Variants in TOX2 observed in about 807,000 individuals in gnomAD.
TOX2 encodes the protein TOX high mobility group box family member 2.
In TOX2, 15 loss-of-function variants were observed where a neutral mutation model predicts 47.4. The ratio of observed to expected loss-of-function variants is 0.32; its 90% CI spans 0.21 to 0.49. TOX2 has a LOEUF of 0.49. TOX2 is among the 20% of genes least tolerant of loss of function. The probability of loss-of-function intolerance (pLI) is 0.99; values close to 1 mark genes in which losing one functional copy is unlikely to be tolerated. For synonymous variants in TOX2, 290 were observed against 296.6 expected (o/e 0.98, Z 0.23); for missense variants, 622 against 673.1 (o/e 0.92, Z 0.84).
At chr20:43,991,973 T>C (rs758404999) in intron 2 of TOX2, among the ~76,000 whole-genome samples, 2 of 152,150 alleles carry the variant, frequency 1.3e-5, no homozygotes, top group Non-Finnish European at 2.9e-5. Flanking sequence ...TACTGTATGT[T>C]TGCAGGTAAA....
intron 3 of TOX2, among the ~76,000 whole-genome samples, chr20:44,043,508 G>A (rs555164425): frequency 1.5e-3 from 225 of 152,262 alleles, no homozygotes; most frequent in African/African-American, 4.8e-3. Flanking sequence ...GCATTATACT[G>A]TATGTGTCCT....
At chr20:43,959,558 C>T (rs751830927) in intron 1 of TOX2, among the ~76,000 whole-genome samples, 3 of 152,294 alleles carry the variant, frequency 2.0e-5, no homozygotes, top group Admixed American at 6.5e-5. Flanking sequence ...GCTCCAAGAT[C>T]GAACGCTGTC....
rs2071894287 is a variant in TOX2 at position 44,069,211 on chromosome 20, TG to T, written c.*526del. On this transcript the variant is annotated 3_prime_UTR_variant, in exon 9 of 9. Coordinates refer to ENST00000341197, the MANE Select transcript of TOX2 (RefSeq NM_001098797.2). The stretch of plus-strand genomic sequence containing the variant: ...GCTGAAGACATCTGTAAGACTATTT[TG>T]TGGGGGAAAAAAGTAGTTTCCTTTA... 4.0e-6 allele frequency: 1 copy of T among 247,288 alleles called. No individual in the cohort carries two copies. Among genetic ancestry groups the T allele is most frequent in the South Asian group, 4.7e-5 (1 of 21,478 alleles). The allele number at this position is 247,288 out of a possible 1,614,324, so 15.3% of individuals were successfully genotyped here. A position where few individuals can be genotyped will look rare whatever the true frequency, so the allele number is the denominator to read the frequency against.
chr20:44,054,188 C>T (rs1478558513), intron 4 of TOX2, 111 bp from the exon 5 acceptor site: 9 of 1,144,162 alleles, frequency 7.9e-6, no homozygotes, highest in Non-Finnish European at 1.2e-5. Context: ...GAGTGGTTAT[C>T]TGTGCATGAG....
chr20:44,044,423 A>T (rs777839382), intron 3 of TOX2, among the ~76,000 whole-genome samples: 20 of 16,900 alleles, frequency 1.2e-3, no homozygotes, highest in Non-Finnish European at 2.5e-3. Context: ...CTTAAAGCAT[A>T]AAAAAAAAAA....
At chr20:43,965,301 G>C (rs2069831391) in intron 1 of TOX2, among the ~76,000 whole-genome samples, 1 of 152,186 alleles carries the variant, frequency 6.6e-6, no homozygotes, top group South Asian at 2.1e-4. Context: ...CTGGTTTGGG[G>C]ATTCATTGTT....
intron 1 of TOX2, among the ~76,000 whole-genome samples, chr20:43,924,930 C>T (rs991082298): frequency 2.0e-5 from 3 of 152,176 alleles, no homozygotes; most frequent in Non-Finnish European, 4.4e-5. Context: ...GGAGGGTGTA[C>T]TTCCCATCAA....
intron 8 of TOX2, among the ~76,000 whole-genome samples, chr20:44,067,228 A>G (rs1265517701): frequency 6.6e-6 from 1 of 151,990 alleles, no homozygotes; most frequent in Non-Finnish European, 1.5e-5. Context: ...TGCACTGGGG[A>G]AAGCTTGCAG....
chr20:44,019,992 C>G (rs528709789), intron 3 of TOX2, among the ~76,000 whole-genome samples: 1 of 151,782 alleles, frequency 6.6e-6, no homozygotes, highest in African/African-American at 2.4e-5. Flanking sequence ...AGGAGAGCCC[C>G]GGGATTAGGA....
intron 1 of TOX2, among the ~76,000 whole-genome samples, chr20:43,923,466 A>G (rs551600165): frequency 6.6e-6 from 1 of 152,172 alleles, no homozygotes; most frequent in Non-Finnish European, 1.5e-5. Context: ...AGAAGTTCTG[A>G]CTCAGCAGGC....
intron 2 of TOX2, among the ~76,000 whole-genome samples, chr20:43,991,764 C>T (rs1330328169): frequency 6.6e-6 from 1 of 151,890 alleles, no homozygotes; most frequent in African/African-American, 2.4e-5. Context: ...CTGCTTCAGC[C>T]TCCTGAGTAG....
rs1569141158 is a variant in TOX2 at position 44,054,502 on chromosome 20, CA to C, written c.856del (p.Ser286AlafsTer22). 6.2e-7 allele frequency: 1 copy of C among 1,614,048 alleles called. No individual in the cohort carries two copies. Among genetic ancestry groups the C allele is most frequent in the East Asian group, 2.2e-5 (1 of 44,872 alleles). ...CCAAAATCGTGGCCTCCATGTGGGA[CA>C]GCCTGGGAGAGGAACAGAAGCAGGT... ...VSKIVASMWD[S>X]LGEEQKQAYK... On this transcript the variant is annotated frameshift_variant, in exon 5 of 9. Coordinates refer to ENST00000341197, the MANE Select transcript of TOX2 (RefSeq NM_001098797.2). LOFTEE classifies it high-confidence loss of function.
chr20:43,940,402 T>C (rs2069387154), intron 1 of TOX2, among the ~76,000 whole-genome samples: 1 of 151,226 alleles, frequency 6.6e-6, no homozygotes, highest in South Asian at 2.1e-4. Flanking sequence ...TTTTTGTCTG[T>C]TTTTCAGAGA....
rs955055501 is a variant in TOX2 at position 43,974,241 on chromosome 20, C to T, written c.165+809C>T. Among the ~76,000 whole-genome samples the T allele has an allele frequency of 3.6e-4, 55 of 150,998 alleles. 1 individual carries two copies. Among genetic ancestry groups the T allele is most frequent in the African/African-American group, 1.2e-3 (51 of 41,030 alleles). On this transcript the variant is annotated intron_variant, in intron 2 of 8. Transcript: ENST00000341197. ...AGGGTCCTCACTGCAGGCCAGGACC[C>T]TGGGGAATGTCATCCCTACAGAAAG...
At chr20:44,022,820 C>T (rs2070996552) in intron 3 of TOX2, among the ~76,000 whole-genome samples, 1 of 152,164 alleles carries the variant, frequency 6.6e-6, no homozygotes, top group African/African-American at 2.4e-5. Flanking sequence ...CTTAGTGACC[C>T]CTGAGTGGGG....
At chr20:44,003,471 A>G (rs143252611) in intron 2 of TOX2, among the ~76,000 whole-genome samples, 139 of 151,988 alleles carry the variant, frequency 9.1e-4, no homozygotes, top group African/African-American at 3.3e-3. Flanking sequence ...TTATAGGCCA[A>G]CTCATTGTTT....
At chr20:43,999,477 A>G (rs1392465114) in intron 2 of TOX2, among the ~76,000 whole-genome samples, 1 of 152,244 alleles carries the variant, frequency 6.6e-6, no homozygotes, top group Non-Finnish European at 1.5e-5. Flanking sequence ...AAAATTCCAT[A>G]TATAATAACA....
chr20:44,023,430 A>G (rs559323343), intron 3 of TOX2, among the ~76,000 whole-genome samples: 1 of 134,370 alleles, frequency 7.4e-6, no homozygotes, highest in Admixed American at 7.6e-5. Flanking sequence ...ACTTTATCTC[A>G]GAAAAAAAAA....
intron 1 of TOX2, among the ~76,000 whole-genome samples, chr20:43,954,095 A>T (rs920674434): frequency 2.0e-5 from 3 of 152,144 alleles, no homozygotes; most frequent in Non-Finnish European, 4.4e-5. Context: ...TCTGGGATGA[A>T]ATCCAAGTGC....
Sources: gnomAD v4.1 joint callset for allele counts (sites outside exome capture counted in the v4.1 genomes callset) on GRCh38, gnomAD v4.1.1 for gene constraint, MANE v1.5 for transcripts, NCBI Gene and HGNC (gene_info 2026-07-23, HGNC 2026-07-21) for gene names.